Variants in SLC16A12 observed in about 807,000 individuals in gnomAD.
The protein encoded by SLC16A12 is monocarboxylate transporter 12.
Under a neutral mutation model 42.4 loss-of-function variants are expected in SLC16A12, and 17 were observed. The ratio of observed to expected loss-of-function variants is 0.40; its 90% CI spans 0.27 to 0.60. The LOEUF is 0.60. Ranked by LOEUF, SLC16A12 falls within the 20% of genes least tolerant of loss-of-function variation. SLC16A12 has a pLI of 0.42. For missense variants in SLC16A12, 544 were observed against 623.0 expected (o/e 0.87, Z 1.35); for synonymous variants, 224 against 229.4 (o/e 0.98, Z 0.21).
At chr10:89,453,911 G>A (rs905784775) in intron 3 of SLC16A12, among the ~76,000 whole-genome samples, 2 of 152,022 alleles carry the variant, frequency 1.3e-5, no homozygotes, top group African/African-American at 2.4e-5. Context: ...GCACCCTGGA[G>A]ACCAAAATCA....
intron 2 of SLC16A12, among the ~76,000 whole-genome samples, chr10:89,526,671 T>A (rs774015865): frequency 7.2e-5 from 11 of 152,154 alleles, no homozygotes; most frequent in Non-Finnish European, 1.3e-4. Flanking sequence ...GGAAACCAAA[T>A]ATGTGAAATC....
chr10:89,499,732 C>G (rs974386853), intron 2 of SLC16A12, among the ~76,000 whole-genome samples: 1 of 151,918 alleles, frequency 6.6e-6, no homozygotes, highest in African/African-American at 2.4e-5. Context: ...AAGGTCACAC[C>G]TCAAGGAACT....
intron 2 of SLC16A12, among the ~76,000 whole-genome samples, chr10:89,482,056 CCAAA>C (rs895361123): frequency 1.1e-4 from 16 of 151,360 alleles, no homozygotes; most frequent in African/African-American, 3.9e-4. Flanking sequence ...ATGAAATAGC[CCAAA>C]CAGAGAAAAT....
At chr10:89,530,922 TGTG>T (rs1843540964) in intron 2 of SLC16A12, among the ~76,000 whole-genome samples, 1 of 152,188 alleles carries the variant, frequency 6.6e-6, no homozygotes, top group Non-Finnish European at 1.5e-5. Context: ...TCATACAACA[TGTG>T]GTCTTTGTAT....
chr10:89,456,909 T>C (rs1363216833), intron 3 of SLC16A12, among the ~76,000 whole-genome samples: 1 of 152,290 alleles, frequency 6.6e-6, no homozygotes, highest in East Asian at 1.9e-4. Flanking sequence ...GCATAGTATA[T>C]ACATAGTGGT....
At chr10:89,552,310 G>A (rs1047171913) in intron 2 of SLC16A12, among the ~76,000 whole-genome samples, 9 of 152,196 alleles carry the variant, frequency 5.9e-5, no homozygotes, top group African/African-American at 2.2e-4. Context: ...TAAAGCATGT[G>A]TTATTAATAC....
chr10:89,492,513 T>C (rs1842860854), intron 2 of SLC16A12, among the ~76,000 whole-genome samples: 1 of 152,018 alleles, frequency 6.6e-6, no homozygotes, highest in Admixed American at 6.6e-5. Context: ...GCGGATCACC[T>C]GAGGCACCTG....
chr10:89,466,507 A>ATTTT (rs1842403163), intron 2 of SLC16A12, among the ~76,000 whole-genome samples: 2 of 152,328 alleles, frequency 1.3e-5, no homozygotes, highest in South Asian at 4.1e-4. Flanking sequence ...AAATGAGAGC[A>ATTTT]CCCACAAACC....
chr10:89,465,033 G>A (rs1280470059), intron 2 of SLC16A12, among the ~76,000 whole-genome samples: 3 of 152,204 alleles, frequency 2.0e-5, no homozygotes, highest in Admixed American at 6.5e-5. Flanking sequence ...ACACTGGCCT[G>A]AGGATTGACT....
intron 3 of SLC16A12, among the ~76,000 whole-genome samples, chr10:89,449,032 T>C (rs942586615): frequency 3.9e-5 from 6 of 152,102 alleles, no homozygotes; most frequent in South Asian, 2.1e-4. Context: ...ATAAAATACC[T>C]AGGAATCCAA....
chr10:89,453,216 C>T (rs943151466), intron 3 of SLC16A12, among the ~76,000 whole-genome samples: 1 of 152,166 alleles, frequency 6.6e-6, no homozygotes, highest in Non-Finnish European at 1.5e-5. Context: ...CATAAACTGC[C>T]TGGCATTGAT....
intron 2 of SLC16A12, among the ~76,000 whole-genome samples, chr10:89,543,214 T>A (rs1843726125): frequency 6.6e-6 from 1 of 152,256 alleles, no homozygotes; most frequent in Non-Finnish European, 1.5e-5. Context: ...AACATATAGG[T>A]GTTCACTGGA....
At chr10:89,446,142 C>G (rs1219040847) in intron 3 of SLC16A12, among the ~76,000 whole-genome samples, 1 of 152,126 alleles carries the variant, frequency 6.6e-6, no homozygotes, top group Non-Finnish European at 1.5e-5. Context: ...TGGCGTCCCT[C>G]AAAGTGACAG....
intron 2 of SLC16A12, among the ~76,000 whole-genome samples, chr10:89,513,450 C>G (rs997935529): frequency 7.9e-5 from 12 of 152,188 alleles, no homozygotes; most frequent in African/African-American, 2.9e-4. Flanking sequence ...TTTGGACTCA[C>G]TGTGGTCATT....
chr10:89,481,292 TTA>T (rs1414141471), intron 2 of SLC16A12, among the ~76,000 whole-genome samples: 2 of 152,210 alleles, frequency 1.3e-5, no homozygotes, highest in Non-Finnish European at 2.9e-5. Context: ...CATGCTCTTT[TTA>T]TACAAAGTAA....
upstream of SLC16A12, among the ~76,000 whole-genome samples, chr10:89,536,760 A>C (rs1268709995): frequency 1.3e-5 from 2 of 152,168 alleles, no homozygotes; most frequent in East Asian, 3.9e-4. Context: ...CGCGGATCAG[A>C]ATCTGCATTT....
intron 2 of SLC16A12, among the ~76,000 whole-genome samples, chr10:89,542,449 T>A (rs1843720954): frequency 6.6e-6 from 1 of 151,916 alleles, no homozygotes; most frequent in Non-Finnish European, 1.5e-5. Context: ...ACTACAGGCA[T>A]GCACCACCAC....
At chr10:89,533,129 C>A (rs1843586103) in intron 2 of SLC16A12, among the ~76,000 whole-genome samples, 1 of 151,024 alleles carries the variant, frequency 6.6e-6, no homozygotes, top group Non-Finnish European at 1.5e-5. Flanking sequence ...AGTAACTTCA[C>A]CTGAATTTGT....
rs2133671931 is a variant in SLC16A12, at chr10:89,432,995, C to G, written c.*69G>C. The G allele has an allele frequency of 6.3e-7, 1 of 1,585,318 alleles. No individual in the cohort carries two copies. Among genetic ancestry groups the G allele is most frequent in the South Asian group, 1.2e-5 (1 of 85,172 alleles). On this transcript the variant is annotated 3_prime_UTR_variant, in exon 8 of 8. Coordinates refer to ENST00000371790, the MANE Select transcript of SLC16A12 (RefSeq NM_213606.4). ...ATCCTTCTGCCAAAATAAAAAGTTTCAGAAACATGAAGAATCTGGTGGCCC... is the reference window on the plus strand; with the variant it reads ...ATCCTTCTGCCAAAATAAAAAGTTTGAGAAACATGAAGAATCTGGTGGCCC...
Sources: gnomAD v4.1 joint callset for allele counts (sites outside exome capture counted in the v4.1 genomes callset) on GRCh38, gnomAD v4.1.1 for gene constraint, MANE v1.5 for transcripts, NCBI Gene and HGNC (gene_info 2026-07-23, HGNC 2026-07-21) for gene names.